Variants in ARHGAP26 observed in about 807,000 individuals in gnomAD.
ARHGAP26 encodes the protein Rho GTPase activating protein 26.
ARHGAP26 carries 38 observed loss-of-function variants against 104.8 expected under a neutral mutation model. That is an observed-to-expected ratio of 0.36 (90% CI 0.28 to 0.48). The LOEUF (loss-of-function observed/expected upper bound fraction) is 0.48, where lower values mean the gene tolerates loss of function less well. Among genes scored for constraint, ARHGAP26 ranks in the 20% least tolerant of loss-of-function variants. ARHGAP26 has a pLI of 0.99. For synonymous variants in ARHGAP26, 341 were observed against 340.0 expected, an observed-to-expected ratio of 1.00 and a Z score of -0.03; for missense variants, 704 against 947.9, an observed-to-expected ratio of 0.74 and a Z score of 3.38.
At chr5:142,775,940 A>G (rs1756233757) in intron 1 of ARHGAP26, among the ~76,000 whole-genome samples, 2 of 152,314 alleles carry the variant, frequency 1.3e-5, no homozygotes, top group South Asian at 2.1e-4. Context: ...TCCCTTCAGT[A>G]TGATCACTAA....
At chr5:143,178,620 A>G (rs1255094078) in intron 20 of ARHGAP26, among the ~76,000 whole-genome samples, 1 of 152,130 alleles carries the variant, frequency 6.6e-6, no homozygotes, top group Non-Finnish European at 1.5e-5. Flanking sequence ...GCTGGTGCTC[A>G]TTTCTGTCGT....
intron 1 of ARHGAP26, among the ~76,000 whole-genome samples, chr5:142,796,233 T>C (rs570069831): frequency 7.2e-5 from 11 of 152,320 alleles, no homozygotes; most frequent in Middle Eastern, 3.4e-3. Context: ...TTGATTCTTA[T>C]ATTGGAATGT....
chr5:143,101,710 C>G (rs901684460), intron 17 of ARHGAP26, among the ~76,000 whole-genome samples: 1 of 151,944 alleles, frequency 6.6e-6, no homozygotes, highest in Non-Finnish European at 1.5e-5. Context: ...CTACCTCCCT[C>G]TCTCTGGGAA....
At chr5:142,877,503 C>T (rs1598042898) in intron 3 of ARHGAP26, among the ~76,000 whole-genome samples, 3 of 152,164 alleles carry the variant, frequency 2.0e-5, no homozygotes, top group South Asian at 4.1e-4. Flanking sequence ...GTTACACAGT[C>T]GTAGAATCTT....
intron 20 of ARHGAP26, among the ~76,000 whole-genome samples, chr5:143,150,762 A>G (rs1799754760): frequency 6.6e-6 from 1 of 152,262 alleles, no homozygotes. Flanking sequence ...TACCTTTCAC[A>G]GAAATTGATT....
At chr5:142,863,429 G>C (rs867712110) in intron 1 of ARHGAP26, among the ~76,000 whole-genome samples, 2 of 152,198 alleles carry the variant, frequency 1.3e-5, no homozygotes, top group African/African-American at 4.8e-5. Flanking sequence ...TTTTAAGGCC[G>C]AGTGTGTCAC....
chr5:143,031,982 C>T (rs1223125741), intron 12 of ARHGAP26, among the ~76,000 whole-genome samples: 1 of 152,208 alleles, frequency 6.6e-6, no homozygotes, highest in Admixed American at 6.5e-5. Context: ...GCATCCTCTT[C>T]CCACGTCTGT....
At chr5:142,839,208 T>G (rs1318771575) in intron 1 of ARHGAP26, among the ~76,000 whole-genome samples, 1 of 152,144 alleles carries the variant, frequency 6.6e-6, no homozygotes, top group Non-Finnish European at 1.5e-5. Flanking sequence ...TTGAGTTTAC[T>G]GGGTTTGAGT....
chr5:142,970,253 G>T (rs948336261), intron 11 of ARHGAP26, among the ~76,000 whole-genome samples: 7 of 152,302 alleles, frequency 4.6e-5, no homozygotes, highest in Middle Eastern at 3.4e-3. Flanking sequence ...GCCCTTTAAG[G>T]GCTTATGTTC....
intron 1 of ARHGAP26, among the ~76,000 whole-genome samples, chr5:142,814,021 T>A (rs1031075458): frequency 1.3e-5 from 2 of 152,228 alleles, no homozygotes; most frequent in Non-Finnish European, 2.9e-5. Flanking sequence ...TACTGGTGGC[T>A]TAGGCAAGTT....
At chr5:143,116,157 A>G (rs1795412145) in intron 17 of ARHGAP26, among the ~76,000 whole-genome samples, 1 of 152,184 alleles carries the variant, frequency 6.6e-6, no homozygotes, top group Admixed American at 6.5e-5. Flanking sequence ...TCATTGTCAG[A>G]AAGTTTGAGC....
At chr5:142,992,433 A>ATTTTT (rs1237050606) in intron 11 of ARHGAP26, among the ~76,000 whole-genome samples, 2 of 149,948 alleles carry the variant, frequency 1.3e-5, no homozygotes, top group Non-Finnish European at 3.0e-5. Flanking sequence ...ATTTTATTTT[A>ATTTTT]TTTTTTATTT....
At chr5:142,889,836 T>C (rs750211737) in intron 5 of ARHGAP26, among the ~76,000 whole-genome samples, 14 of 150,848 alleles carry the variant, frequency 9.3e-5, no homozygotes, top group Non-Finnish European at 1.6e-4. Flanking sequence ...TAGGCTAAAA[T>C]AGAATGAAAA....
chr5:142,896,590 CCCTCTT>C (rs1391583416), intron 6 of ARHGAP26, among the ~76,000 whole-genome samples: 2 of 152,294 alleles, frequency 1.3e-5, no homozygotes, highest in South Asian at 2.1e-4. Context: ...TCTCTCCTCC[CCCTCTT>C]CCTTCCTTCT....
chr5:142,897,701 C>T (rs1759670736), intron 6 of ARHGAP26, among the ~76,000 whole-genome samples: 1 of 152,212 alleles, frequency 6.6e-6, no homozygotes, highest in Non-Finnish European at 1.5e-5. Flanking sequence ...CCGTGCTAAG[C>T]GCTTTACCTA....
chr5:143,105,571 G>C (rs1562435050), intron 17 of ARHGAP26, among the ~76,000 whole-genome samples: 2 of 152,118 alleles, frequency 1.3e-5, no homozygotes, highest in South Asian at 4.1e-4. Flanking sequence ...TAAGGGGTAT[G>C]CATCCGGGTA....
intron 20 of ARHGAP26, among the ~76,000 whole-genome samples, chr5:143,157,199 C>CA (rs1209083344): frequency 7.0e-6 from 1 of 142,210 alleles, no homozygotes; most frequent in East Asian, 2.1e-4. Context: ...TTTCTCGAGA[C>CA]AGAGTCTCAC....
intron 1 of ARHGAP26, among the ~76,000 whole-genome samples, chr5:142,787,272 G>T (rs1221922657): frequency 6.6e-6 from 1 of 152,150 alleles, no homozygotes. Context: ...CCATTAAAAT[G>T]GTCTTTAACA....
intron 10 of ARHGAP26, among the ~76,000 whole-genome samples, chr5:142,923,857 C>CTT (rs11389284): frequency 0.013 from 1,415 of 105,866 alleles, 35 homozygotes; most frequent in East Asian, 0.036. Flanking sequence ...GGATCAGATC[C>CTT]TTTTTTTTTT....
Sources: allele counts gnomAD v4.1 joint callset (sites outside exome capture counted in the v4.1 genomes callset), GRCh38; gene constraint gnomAD v4.1.1; transcripts MANE v1.5; gene names NCBI Gene and HGNC (gene_info 2026-07-23, HGNC 2026-07-21).